Variants in MDGA2 observed in about 807,000 individuals in gnomAD.
MDGA2 encodes the protein MAM domain-containing glycosylphosphatidylinositol anchor protein 2.
MDGA2 carries 40 observed loss-of-function variants against 117.8 expected under a neutral mutation model. The observed-to-expected ratio is 0.34, with a 90% CI of 0.26 to 0.44. The LOEUF is 0.44. Among genes scored for constraint, MDGA2 ranks in the 20% least tolerant of loss-of-function variants. The pLI, the probability that MDGA2 is intolerant of heterozygous loss-of-function variation, is 1.00. For synonymous variants in MDGA2, 452 were observed against 439.0 expected, an observed-to-expected ratio of 1.03 and a Z score of -0.37; for missense variants, 1,123 against 1,250.6, an observed-to-expected ratio of 0.90 and a Z score of 1.54.
intron 10 of MDGA2, among the ~76,000 whole-genome samples, chr14:46,901,168 C>T (rs1395539389): frequency 1.5e-5 from 2 of 131,332 alleles, no homozygotes; most frequent in Admixed American, 9.5e-5. Flanking sequence ...GAACATCACA[C>T]ACCGGGGACT....
At chr14:47,638,505 T>C (rs746178265) in intron 1 of MDGA2, among the ~76,000 whole-genome samples, 2 of 152,142 alleles carry the variant, frequency 1.3e-5, no homozygotes, top group Admixed American at 1.3e-4. Flanking sequence ...ATTACAGATC[T>C]CCCAAACAAT....
chr14:47,671,806 G>A (rs1176933183), intron 1 of MDGA2, among the ~76,000 whole-genome samples: 1 of 152,076 alleles, frequency 6.6e-6, no homozygotes, highest in Admixed American at 6.5e-5. Context: ...TAAATCTTAT[G>A]TCTATGTCCT....
At position 47,219,256 on chromosome 14, in the gene MDGA2, T is replaced by C. The variant is rs561573103; in HGVS notation, c.421-1061A>G. Among the ~76,000 whole-genome samples the C allele has an allele frequency of 2.6e-5, 4 of 152,180 alleles. 1 individual carries two copies. Among genetic ancestry groups the C allele is most frequent in the African/African-American group, 9.6e-5 (4 of 41,582 alleles). On this transcript the variant is annotated intron_variant, in intron 2 of 16. Coordinates refer to ENST00000399232, the MANE Select transcript of MDGA2 (RefSeq NM_001113498.3). Reference sequence around the variant, plus strand: ...TTTTCATATGAAGTTAATTAAAATGTATGAGCTAATGGCATAAAAAGTATC... The same window carrying C: ...TTTTCATATGAAGTTAATTAAAATGCATGAGCTAATGGCATAAAAAGTATC...
intron 6 of MDGA2, among the ~76,000 whole-genome samples, chr14:47,088,943 G>C (rs1462364408): frequency 1.3e-5 from 2 of 152,100 alleles, no homozygotes; most frequent in Admixed American, 6.6e-5. Context: ...GTTAGAACTT[G>C]ACATTAAGTA....
intron 1 of MDGA2, among the ~76,000 whole-genome samples, chr14:47,326,241 C>T (rs1488116067): frequency 6.6e-6 from 1 of 152,006 alleles, no homozygotes; most frequent in Non-Finnish European, 1.5e-5. Context: ...AAATATACTG[C>T]TAATAAGATT....
At chr14:47,580,808 T>G (rs1896215926) in intron 1 of MDGA2, among the ~76,000 whole-genome samples, 1 of 151,984 alleles carries the variant, frequency 6.6e-6, no homozygotes, top group Non-Finnish European at 1.5e-5. Flanking sequence ...AAATAATGCT[T>G]CCACTACATA....
At chr14:47,066,755 C>A (rs1229534034) in intron 6 of MDGA2, among the ~76,000 whole-genome samples, 1 of 152,066 alleles carries the variant, frequency 6.6e-6, no homozygotes, top group Non-Finnish European at 1.5e-5. Flanking sequence ...AAACTGACAT[C>A]TACGCACATT....
Position 47,481,203 on chromosome 14 carries a change from T to C in MDGA2, c.281-179653A>G, listed in dbSNP as rs1051095984. ...ACTCCATTTTCCACATATAAAGTGA[T>C]AAGCGTAGGAGGAAATCTGACTTGG... On this transcript the variant is annotated intron_variant, in intron 1 of 16. Coordinates refer to ENST00000399232, the MANE Select transcript of MDGA2 (RefSeq NM_001113498.3). 3.3e-5 allele frequency among the ~76,000 whole-genome samples: 5 copies of C among 152,112 alleles called. No homozygotes were observed. The East Asian group carries it at 9.7e-4, about 29-fold the overall frequency.
At chr14:47,419,548 C>T (rs955180096) in intron 1 of MDGA2, among the ~76,000 whole-genome samples, 1 of 151,964 alleles carries the variant, frequency 6.6e-6, no homozygotes, top group Non-Finnish European at 1.5e-5. Flanking sequence ...ATGTTTAGTA[C>T]TCTTGTATTT....
intron 9 of MDGA2, among the ~76,000 whole-genome samples, chr14:46,943,012 T>C (rs183096294): frequency 1.6e-4 from 24 of 152,210 alleles, no homozygotes; most frequent in Non-Finnish European, 2.9e-4. Context: ...TGAACTATAA[T>C]TATGGAATAG....
intron 1 of MDGA2, among the ~76,000 whole-genome samples, chr14:47,445,629 C>T (rs1893105628): frequency 6.6e-6 from 1 of 152,100 alleles, no homozygotes; most frequent in Non-Finnish European, 1.5e-5. Flanking sequence ...CCAAGTGTAA[C>T]TAATTTCTTA....
chr14:47,612,872 C>A lies in MDGA2; in HGVS notation c.280+61645G>T, dbSNP rs189699923. Among the ~76,000 whole-genome samples, 393 of 152,286 alleles carry A rather than the reference C, an allele frequency of 2.6e-3. 1 individual carries two copies. The highest frequency in any genetic ancestry group is 9.0e-3 in the African/African-American group (374 of 41,560). ...GATAAGGCAAATGTGCTCCAGTTAT[C>A]TAAACCTGACGATACTTAAAAGCTG... is the stretch of plus-strand genomic sequence containing the variant. On this transcript the variant is annotated intron_variant, in intron 1 of 16. Transcript: ENST00000399232.
chr14:47,144,483 T>C (rs1168021409), intron 3 of MDGA2, among the ~76,000 whole-genome samples: 1 of 152,122 alleles, frequency 6.6e-6, no homozygotes, highest in Non-Finnish European at 1.5e-5. Flanking sequence ...TTTGTGGATA[T>C]AGTAAAATTA....
chr14:46,876,730 C>T (rs192146688), intron 12 of MDGA2, among the ~76,000 whole-genome samples: 280 of 151,554 alleles, frequency 1.8e-3, no homozygotes, highest in Middle Eastern at 3.4e-3. Context: ...GAACAAGAAT[C>T]CTGATACCCA....
chr14:47,145,430 C>A (rs1193205919), intron 3 of MDGA2, among the ~76,000 whole-genome samples: 1 of 152,090 alleles, frequency 6.6e-6, no homozygotes, highest in African/African-American at 2.4e-5. Context: ...CCATAATCTG[C>A]CAACCCCTGA....
chr14:47,104,115 G>C (rs1472074466), intron 5 of MDGA2, among the ~76,000 whole-genome samples: 1 of 152,162 alleles, frequency 6.6e-6, no homozygotes, highest in African/African-American at 2.4e-5. Context: ...ATTAGAGCAC[G>C]GTGAGCAAAG....
intron 9 of MDGA2, among the ~76,000 whole-genome samples, chr14:46,928,801 G>T (rs1050590209): frequency 1.1e-4 from 16 of 151,942 alleles, no homozygotes; most frequent in African/African-American, 3.6e-4. Context: ...TTACATCATA[G>T]TACTTAGCAT....
chr14:47,361,042 T>A (rs1271380420), intron 1 of MDGA2, among the ~76,000 whole-genome samples: 1 of 152,116 alleles, frequency 6.6e-6, no homozygotes, highest in Admixed American at 6.5e-5. Flanking sequence ...AATCATTGCA[T>A]AATAAAAATT....
intron 1 of MDGA2, among the ~76,000 whole-genome samples, chr14:47,518,650 A>C (rs1236676356): frequency 2.0e-5 from 3 of 152,190 alleles, no homozygotes; most frequent in African/African-American, 7.2e-5. Flanking sequence ...ATATCTTTAT[A>C]GGGAAACATT....
Sources: allele counts gnomAD v4.1 joint callset (sites outside exome capture counted in the v4.1 genomes callset), GRCh38; gene constraint gnomAD v4.1.1; transcripts MANE v1.5; gene names NCBI Gene and HGNC (gene_info 2026-07-23, HGNC 2026-07-21).